Variants in PTPRM observed in about 807,000 individuals in gnomAD.
PTPRM encodes the protein protein tyrosine phosphatase receptor type M, also known as receptor-type tyrosine-protein phosphatase mu.
PTPRM carries 47 observed loss-of-function variants against 186.7 expected under a neutral mutation model. That is an observed-to-expected ratio of 0.25 (90% CI 0.20 to 0.32). PTPRM has a LOEUF of 0.32. PTPRM is among the 10% of genes least tolerant of loss of function. PTPRM has a pLI of 1.00. For synonymous variants in PTPRM, 668 were observed against 674.9 expected, an observed-to-expected ratio of 0.99 and a Z score of 0.16; for missense variants, 1,494 against 1,865.0, an observed-to-expected ratio of 0.80 and a Z score of 3.66.
At chr18:8,319,601 G>A (rs1157300137) in intron 22 of PTPRM, among the ~76,000 whole-genome samples, 1 of 152,214 alleles carries the variant, frequency 6.6e-6, no homozygotes, top group Non-Finnish European at 1.5e-5. Flanking sequence ...TTCTCACAGT[G>A]GTTGTGTTTA....
At chr18:7,594,099 A>C (rs1166775605) in intron 1 of PTPRM, among the ~76,000 whole-genome samples, 2 of 152,198 alleles carry the variant, frequency 1.3e-5, no homozygotes, top group Admixed American at 1.3e-4. Flanking sequence ...GATGTTAAGG[A>C]AGCAGTACAC....
intron 20 of PTPRM, among the ~76,000 whole-genome samples, chr18:8,313,717 G>A (rs1157748221): frequency 6.6e-6 from 1 of 152,080 alleles, no homozygotes; most frequent in Non-Finnish European, 1.5e-5. Flanking sequence ...GGTACCCAGT[G>A]TGTAGTCTTT....
intron 1 of PTPRM, among the ~76,000 whole-genome samples, chr18:7,764,887 T>C (rs1412000067): frequency 6.6e-6 from 1 of 152,240 alleles, no homozygotes; most frequent in Non-Finnish European, 1.5e-5. Flanking sequence ...CAACTATTTT[T>C]TACACTCTCT....
chr18:8,161,533 T>C (rs1282625432), intron 14 of PTPRM, among the ~76,000 whole-genome samples: 1 of 152,170 alleles, frequency 6.6e-6, no homozygotes, highest in Non-Finnish European at 1.5e-5. Context: ...GAAATCTTGA[T>C]TTCTTTACTA....
chr18:7,570,897 G>C (rs902725966), intron 1 of PTPRM, among the ~76,000 whole-genome samples: 7 of 151,424 alleles, frequency 4.6e-5, no homozygotes, highest in Non-Finnish European at 1.0e-4. Context: ...GGCCTGTGAT[G>C]ACATTGCTTA....
rs189744704 is a variant in PTPRM at position 7,810,624 on chromosome 18, G to T, written c.196+36353G>T. Among the ~76,000 whole-genome samples the T allele has an allele frequency of 2.6e-4, 39 of 152,116 alleles. No individual in the cohort carries two copies. The East Asian group carries it at 3.1e-3, about 12-fold the overall frequency. On this transcript the variant is annotated intron_variant, in intron 2 of 32. Coordinates refer to ENST00000580170, the MANE Select transcript of PTPRM (RefSeq NM_001105244.2). ...GTGTGTGTTGGGGAGAGACTGGGGT[G>T]GGGGGAGGAGGGACAAGGATTTAAA...
At chr18:7,961,655 T>G (rs2053689044) in intron 7 of PTPRM, among the ~76,000 whole-genome samples, 1 of 152,218 alleles carries the variant, frequency 6.6e-6, no homozygotes, top group Non-Finnish European at 1.5e-5. Context: ...CCTAGAAATG[T>G]TCTGTCCTAA....
intron 14 of PTPRM, among the ~76,000 whole-genome samples, chr18:8,151,490 C>G (rs936805424): frequency 1.4e-5 from 2 of 142,826 alleles, no homozygotes; most frequent in African/African-American, 5.1e-5. Flanking sequence ...CCCCGCCCCC[C>G]ACCAAGCTGG....
At chr18:7,767,543 C>T (rs2042071878) in intron 1 of PTPRM, among the ~76,000 whole-genome samples, 1 of 152,066 alleles carries the variant, frequency 6.6e-6, no homozygotes, top group Non-Finnish European at 1.5e-5. Flanking sequence ...TTCTTTATAG[C>T]TTATGACTTA....
At chr18:8,108,840 A>G (rs941360892) in intron 11 of PTPRM, among the ~76,000 whole-genome samples, 1 of 152,216 alleles carries the variant, frequency 6.6e-6, no homozygotes, top group Non-Finnish European at 1.5e-5. Context: ...AATATCGCAC[A>G]TGCAGTAGGA....
intron 14 of PTPRM, among the ~76,000 whole-genome samples, chr18:8,194,373 G>A (rs538688078): frequency 1.9e-3 from 289 of 152,286 alleles, no homozygotes; most frequent in Non-Finnish European, 2.7e-3. Flanking sequence ...AATCATGGCC[G>A]AGGTGTTCAA....
chr18:7,902,081 G>C (rs1031056943), intron 3 of PTPRM, among the ~76,000 whole-genome samples: 1 of 152,148 alleles, frequency 6.6e-6, no homozygotes, highest in South Asian at 2.1e-4. Context: ...ACACATAAAC[G>C]TATCAACAAA....
intron 1 of PTPRM, among the ~76,000 whole-genome samples, chr18:7,588,948 C>T (rs769616764): frequency 5.3e-5 from 8 of 152,170 alleles, no homozygotes; most frequent in African/African-American, 7.2e-5. Context: ...CTACTGGGCT[C>T]CAGTGATCCT....
chr18:8,096,683 G>A (rs866521386), intron 11 of PTPRM, among the ~76,000 whole-genome samples: 3 of 152,142 alleles, frequency 2.0e-5, no homozygotes, highest in Non-Finnish European at 4.4e-5. Flanking sequence ...ATTTGCTCTC[G>A]GGAACCCTTG....
intron 5 of PTPRM, among the ~76,000 whole-genome samples, chr18:7,929,327 G>T (rs868284530): frequency 3.4e-4 from 52 of 152,182 alleles, no homozygotes; most frequent in Admixed American, 3.9e-4. Context: ...GAATGATGGT[G>T]TTGGTAGTTG....
chr18:7,755,250 T>G (rs1486014713), intron 1 of PTPRM: 3 of 150,128 alleles, frequency 2.0e-5, no homozygotes, highest in Non-Finnish European at 4.4e-5. Context: ...AAAAAAAAGA[T>G]GAACTGGAAA....
chr18:7,965,076 G>GT (rs2053941465), intron 7 of PTPRM, among the ~76,000 whole-genome samples: 2 of 42,474 alleles, frequency 4.7e-5, no homozygotes, highest in South Asian at 6.8e-4. Context: ...TCGCTCTTGT[G>GT]TACCCAGGCT....
intron 1 of PTPRM, among the ~76,000 whole-genome samples, chr18:7,637,186 ACAGTGT>A (rs2038336894): frequency 2.6e-5 from 4 of 151,426 alleles, no homozygotes; most frequent in South Asian, 2.1e-4. Flanking sequence ...AAAAAAAAAA[ACAGTGT>A]AATTCATTTG....
In PTPRM at chr18:7,568,640, G is replaced by T. The variant is rs1055014341; in HGVS notation, c.73+749G>T. ...GGAGCGCCGCGGCCAGCTGCAACTTGTTCATCCAGCCCGGCTGCCCGGGGG... is the reference window on the plus strand; with the variant it reads ...GGAGCGCCGCGGCCAGCTGCAACTTTTTCATCCAGCCCGGCTGCCCGGGGG... On this transcript the variant is annotated intron_variant, in intron 1 of 32. Coordinates refer to ENST00000580170, the MANE Select transcript of PTPRM (RefSeq NM_001105244.2). The surrounding 1 kb of genome is among the most constrained non-coding windows in gnomAD (Gnocchi z 5.1). Among the ~76,000 whole-genome samples the T allele has an allele frequency of 8.5e-5, 13 of 152,200 alleles. No homozygotes were observed. Among genetic ancestry groups the T allele is most frequent in the Non-Finnish European group, 1.3e-4 (9 of 68,030 alleles).
Sources: allele counts gnomAD v4.1 joint callset (sites outside exome capture counted in the v4.1 genomes callset), GRCh38; gene constraint gnomAD v4.1.1; non-coding constraint Gnocchi (gnomAD v3.1); transcripts MANE v1.5; gene names NCBI Gene and HGNC (gene_info 2026-07-23, HGNC 2026-07-21).